Variants in IGF2R observed in about 807,000 individuals in gnomAD.
The protein encoded by IGF2R is insulin like growth factor 2 receptor.
In IGF2R, 91 loss-of-function variants were observed where a neutral mutation model predicts 270.6. The ratio of observed to expected loss-of-function variants is 0.34; its 90% CI spans 0.28 to 0.40. IGF2R has a LOEUF of 0.40. Among genes scored for constraint, IGF2R ranks in the 10% least tolerant of loss-of-function variants. The pLI, the probability that IGF2R is intolerant of heterozygous loss-of-function variation, is 1.00. For synonymous variants in IGF2R, 1,316 were observed against 1,258.9 expected (o/e 1.05, Z -0.96); for missense variants, 2,805 against 3,188.3 (o/e 0.88, Z 2.90).
At chr6:160,040,885 T>C (rs1022979211) in intron 11 of IGF2R, among the ~76,000 whole-genome samples, 161 bp downstream of exon 11, 23 of 142,790 alleles carry the variant, frequency 1.6e-4, no homozygotes, top group Non-Finnish European at 3.0e-4. Flanking sequence ...AGAAGGAGCA[T>C]TGGACTGGGA....
intron 31 of IGF2R, 94 bp downstream of exon 31, chr6:160,070,152 A>T: frequency 8.1e-7 from 1 of 1,230,900 alleles, no homozygotes; most frequent in Non-Finnish European, 1.2e-6. Context: ...CTGCCTTGGG[A>T]TGCGAGTTCT....
At chr6:160,020,235 A>G (rs1250026445) in intron 4 of IGF2R, among the ~76,000 whole-genome samples, 1 of 152,026 alleles carries the variant, frequency 6.6e-6, no homozygotes, top group Non-Finnish European at 1.5e-5. Flanking sequence ...CACTAGAAAT[A>G]CATTTAGCCA....
Position 160,089,947 on chromosome 6 carries a change from A to G in IGF2R, c.6499A>G (p.Asn2167Asp). The G allele has an allele frequency of 6.2e-7, 1 of 1,600,418 alleles. No homozygotes were observed. Among genetic ancestry groups the G allele is most frequent in the Admixed American group, 1.7e-5 (1 of 57,574 alleles). The change falls in exon 44 of 48, where the codon AAT (asparagine) becomes GAT (aspartate). Residue 2167 changes from asparagine to aspartate, a missense_variant. Physicochemically the swap from Asn to Asp is conservative, Grantham distance 23. Transcript: ENST00000356956. ...CAGAGCCTCTGGGGACATGAGGACCAATGGGGACAACTACCTGTATGAGAT... is the reference window on the plus strand; with the variant it reads ...CAGAGCCTCTGGGGACATGAGGACCGATGGGGACAACTACCTGTATGAGAT... ...LFRASGDMRT[N>D]GDNYLYEIQL...
intron 29 of IGF2R, among the ~76,000 whole-genome samples, chr6:160,068,027 T>C (rs528894994): frequency 9.9e-4 from 151 of 151,810 alleles, no homozygotes; most frequent in Non-Finnish European, 1.9e-3. Flanking sequence ...TGAACTATTA[T>C]GTTCAGGGAA....
intron 45 of IGF2R, among the ~76,000 whole-genome samples, chr6:160,097,810 G>A (rs186528588): frequency 6.6e-6 from 1 of 152,254 alleles, no homozygotes; most frequent in Admixed American, 6.5e-5. Context: ...TCTTAAATCA[G>A]CACTCCCCCT....
chr6:160,067,802 A>C (rs1583289411), intron 29 of IGF2R, among the ~76,000 whole-genome samples: 1 of 152,190 alleles, frequency 6.6e-6, no homozygotes, highest in East Asian at 1.9e-4. Flanking sequence ...TCAGAATTTC[A>C]GTAACTGCTG....
chr6:160,068,189 G>C, intron 29 of IGF2R, 60 bp from the exon 30 acceptor site: 5 of 1,592,140 alleles, frequency 3.1e-6, no homozygotes, highest in Non-Finnish European at 3.4e-6. Context: ...TAGACAGAGT[G>C]CCCAATGTTT....
intron 17 of IGF2R, 39 bp from the exon 18 acceptor site, chr6:160,048,336 G>A: frequency 6.3e-7 from 1 of 1,587,014 alleles, no homozygotes. Flanking sequence ...AAATGTGTAA[G>A]CTCTTTAAAA....
In IGF2R at chr6:160,072,868, C is replaced by T. The variant is rs1466344122; in HGVS notation, c.4674C>T (p.Asn1558=). ...TGAGCATCTGTGGGGAGAATGAAAA[C>T]TGCCCTCCTGGCGTGGGTGAGTGCT... is the stretch of plus-strand genomic sequence containing the variant. ...VYMSICGENE[N]CPPGVGACFG... The change falls in exon 33 of 48, where the codon AAC becomes AAT. Residue 1558 remains asparagine, a synonymous_variant. Coordinates refer to ENST00000356956, the MANE Select transcript of IGF2R (RefSeq NM_000876.4). 4 of 1,613,190 alleles carry T rather than the reference C, an allele frequency of 2.5e-6. No individual in the cohort carries two copies. The East Asian group carries it at 8.9e-5, about 36-fold the overall frequency.
In IGF2R at chr6:160,064,494, C is replaced by T. The variant is rs1778512556; in HGVS notation, c.3980C>T (p.Thr1327Ile). The change falls in exon 28 of 48, where the codon ACA (threonine) becomes ATA (isoleucine). Residue 1327 changes from threonine to isoleucine, a missense_variant. Transcript: ENST00000356956. The part of the protein sequence containing the change: ...DTCHKVYQRS[T>I]AIFFYCDRGT... Reference sequence around the variant, plus strand: ...TGCCATAAGGTTTATCAGCGCTCCACAGCCATCTTCTTCTACTGTGACCGC... The same window carrying T: ...TGCCATAAGGTTTATCAGCGCTCCATAGCCATCTTCTTCTACTGTGACCGC... 1 of 1,614,154 alleles carries T rather than the reference C, an allele frequency of 6.2e-7. No homozygotes were observed. The highest frequency in any genetic ancestry group is 1.3e-5 in the African/African-American group (1 of 75,024).
chr6:160,076,755 G>T (rs1178178376), intron 36 of IGF2R, among the ~76,000 whole-genome samples: 1 of 152,206 alleles, frequency 6.6e-6, no homozygotes, highest in African/African-American at 2.4e-5. Flanking sequence ...ATGGACTGAG[G>T]CTATTTATGG....
chr6:160,010,890 C>G lies in IGF2R; in HGVS notation c.513+105C>G, dbSNP rs544922349. ...TCCGGGTGAAAATCTTTTTTAGCTTCCAAATTGCATTTGAGCAGAGATACC... is the reference window on the plus strand; with the variant it reads ...TCCGGGTGAAAATCTTTTTTAGCTTGCAAATTGCATTTGAGCAGAGATACC... On this transcript the variant is annotated intron_variant, in intron 4 of 47. Coordinates refer to ENST00000356956, the MANE Select transcript of IGF2R (RefSeq NM_000876.4). 3 of 659,450 alleles carry G rather than the reference C, an allele frequency of 4.5e-6. No homozygotes were observed. In the East Asian group the frequency reaches 8.3e-5, roughly 18 times the overall value. The allele number at this position is 659,450 out of a possible 1,614,324, so 40.8% of individuals were successfully genotyped here.
Position 159,998,828 on chromosome 6 carries a change from A to G in IGF2R, c.289+7505A>G, listed in dbSNP as rs1314481901. 6.6e-6 allele frequency among the ~76,000 whole-genome samples: 1 copy of G among 152,258 alleles called. No individual in the cohort carries two copies. Among genetic ancestry groups the G allele is most frequent in the Non-Finnish European group, 1.5e-5 (1 of 68,046 alleles). ...ATCCCGAATCAAATCTAATTTGCAT[A>G]TACAATAAAAATACCTAAATTTTGT... is the stretch of plus-strand genomic sequence containing the variant. On this transcript the variant is annotated intron_variant, in intron 2 of 47. Coordinates refer to ENST00000356956, the MANE Select transcript of IGF2R (RefSeq NM_000876.4). This position sits in a 1 kb window ranked among gnomAD's most constrained non-coding sequence, Gnocchi z 4.1.
chr6:160,070,315 C>A (rs1277544386), intron 31 of IGF2R, among the ~76,000 whole-genome samples: 1 of 152,166 alleles, frequency 6.6e-6, no homozygotes, highest in African/African-American at 2.4e-5. Flanking sequence ...GACTCAGACC[C>A]CTAAAGGCTG....
intron 4 of IGF2R, among the ~76,000 whole-genome samples, chr6:160,015,018 G>T (rs781142167): frequency 5.3e-5 from 8 of 152,202 alleles, no homozygotes; most frequent in African/African-American, 9.6e-5. Flanking sequence ...TGCCTTTGAG[G>T]CTGTGAGTAG....
At chr6:160,063,286 C>T (rs1778481787) in intron 26 of IGF2R, 129 bp from the exon 27 acceptor site, 11 of 706,864 alleles carry the variant, frequency 1.6e-5, no homozygotes, top group Non-Finnish European at 2.8e-5. Context: ...ATCCACCCGC[C>T]TCAGCCTCCC....
chr6:160,066,808 T>C (rs1778595136), intron 29 of IGF2R, among the ~76,000 whole-genome samples: 1 of 152,222 alleles, frequency 6.6e-6, no homozygotes, highest in Non-Finnish European at 1.5e-5. Context: ...GTTTCTTCTG[T>C]TGACTACTTT....
At chr6:160,015,577 G>A (rs1165123584) in intron 4 of IGF2R, among the ~76,000 whole-genome samples, 1 of 152,164 alleles carries the variant, frequency 6.6e-6, no homozygotes, top group Non-Finnish European at 1.5e-5. Flanking sequence ...AAAGATGCGG[G>A]TGCCCCTACT....
intron 39 of IGF2R, among the ~76,000 whole-genome samples, chr6:160,081,306 G>A (rs911464464): frequency 2.7e-4 from 41 of 152,068 alleles, no homozygotes; most frequent in African/African-American, 9.9e-4. Context: ...GACATTACAT[G>A]TTGGCAGGTT....
Sources: gnomAD v4.1 joint callset for allele counts (sites outside exome capture counted in the v4.1 genomes callset) on GRCh38, gnomAD v4.1.1 for gene constraint, Gnocchi (gnomAD v3.1) non-coding constraint, MANE v1.5 for transcripts, NCBI Gene and HGNC (gene_info 2026-07-23, HGNC 2026-07-21) for gene names.